Variants in GALNT15 observed in about 807,000 individuals in gnomAD.
GALNT15 encodes the protein UDP-GalNAc transferase T15.
In GALNT15, 67 loss-of-function variants were observed where a neutral mutation model predicts 66.8. That is an observed-to-expected ratio of 1.00 (90% confidence interval 0.82 to 1.23). The LOEUF (loss-of-function observed/expected upper bound fraction) is 1.23. GALNT15 is among the 50% of genes most tolerant of loss of function. The probability of loss-of-function intolerance (pLI) is 0.00; values close to 1 mark genes in which losing one functional copy is unlikely to be tolerated. For missense variants in GALNT15, 827 were observed against 804.3 expected, an observed-to-expected ratio of 1.03 and a Z score of -0.34; for synonymous variants, 313 against 311.5, an observed-to-expected ratio of 1.00 and a Z score of -0.05.
intron 1 of GALNT15, among the ~76,000 whole-genome samples, chr3:16,190,802 T>G (rs1215531868): frequency 3.3e-5 from 5 of 152,134 alleles, no homozygotes; most frequent in Non-Finnish European, 7.4e-5. Context: ...TCAGGCTGGG[T>G]CCGCTCAGCT....
rs1054769419 is a variant in GALNT15 at position 16,189,477 on chromosome 3, G to A, written c.540-6283G>A. On this transcript the variant is annotated intron_variant, in intron 1 of 9. Transcript: ENST00000339732. This position sits in a 1 kb window ranked among gnomAD's most constrained non-coding sequence, Gnocchi z 5.1. ...GCCCAGTTCCTCTGCTATGTTGAAG[G>A]ACATCCTCAGAGACATGTTCAGACA... Among the ~76,000 whole-genome samples the A allele has an allele frequency of 1.3e-5, 2 of 152,180 alleles. No individual in the cohort carries two copies. The highest frequency in any genetic ancestry group is 1.3e-4 in the Admixed American group (2 of 15,272).
chr3:16,178,664 A>G (rs1313086855), intron 1 of GALNT15, among the ~76,000 whole-genome samples: 2 of 152,146 alleles, frequency 1.3e-5, no homozygotes, highest in African/African-American at 4.8e-5. Flanking sequence ...AAGCAAGGCA[A>G]ACGATCTCCA....
chr3:16,228,316 A>C lies in GALNT15; in HGVS notation c.*816A>C. 2 of 985,782 alleles carry C rather than the reference A, an allele frequency of 2.0e-6. No homozygotes were observed. The highest frequency in any genetic ancestry group is 2.4e-6 in the Non-Finnish European group (2 of 829,944). 61.1% of individuals were successfully genotyped at this position (985,782 alleles called of 1,614,324 possible). A position where few individuals can be genotyped will look rare whatever the true frequency, so the allele number is the denominator to read the frequency against. On this transcript the variant is annotated 3_prime_UTR_variant, in exon 10 of 10. Transcript: ENST00000339732. ...GTGTTAGAAGTACCAGCACAATTTGAGCATTCCCATTAACAAAGGTGTTCA... is the reference window on the plus strand; with the variant it reads ...GTGTTAGAAGTACCAGCACAATTTGCGCATTCCCATTAACAAAGGTGTTCA...
In GALNT15 at chr3:16,219,271, G is replaced by A. The variant is rs1440878513; in HGVS notation, c.1393-132G>A. The A allele has an allele frequency of 8.9e-7, 1 of 1,120,170 alleles. No homozygotes were observed. Among genetic ancestry groups the A allele is most frequent in the Non-Finnish European group, 1.3e-6 (1 of 773,610 alleles). 69.4% of individuals were successfully genotyped at this position (1,120,170 alleles called of 1,614,324 possible). The stretch of plus-strand genomic sequence containing the variant: ...ACATGACCCTCCCCACTGCAGCCCT[G>A]GAGAACTGTGGTCTTGGCCCCTTCC... On this transcript the variant is annotated intron_variant, in intron 6 of 9. Transcript: ENST00000339732. This position sits in a 1 kb window ranked among gnomAD's most constrained non-coding sequence, Gnocchi z 4.3.
At chr3:16,213,764 C>A (rs1003109254) in intron 6 of GALNT15, among the ~76,000 whole-genome samples, 4 of 152,172 alleles carry the variant, frequency 2.6e-5, no homozygotes, top group Non-Finnish European at 5.9e-5. Context: ...ACAGATGAAG[C>A]CTAGGCCGCT....
At chr3:16,177,744 A>G (rs1574966395) in intron 1 of GALNT15, among the ~76,000 whole-genome samples, 1 of 152,204 alleles carries the variant, frequency 6.6e-6, no homozygotes, top group East Asian at 1.9e-4. Context: ...CACGTGGTGC[A>G]TGTGTGCACA....
chr3:16,228,910 T>C lies in GALNT15; in HGVS notation c.*1410T>C. The C allele has an allele frequency of 1.0e-6, 1 of 985,454 alleles. No individual in the cohort carries two copies. The highest frequency in any genetic ancestry group is 1.2e-6 in the Non-Finnish European group (1 of 829,944). 61.0% of individuals were successfully genotyped at this position (985,454 alleles called of 1,614,324 possible). A position where few individuals can be genotyped will look rare whatever the true frequency, so the allele number is the denominator to read the frequency against. ...ATGAGTGTGGGAAGAACACGGCTCA[T>C]CTGGAGCACAGCTGAGGCTAGTAAG... On this transcript the variant is annotated 3_prime_UTR_variant, in exon 10 of 10. Transcript: ENST00000339732.
At chr3:16,213,073 G>T (rs1258054466) in intron 6 of GALNT15, among the ~76,000 whole-genome samples, 1 of 152,102 alleles carries the variant, frequency 6.6e-6, no homozygotes, top group Non-Finnish European at 1.5e-5. Context: ...GATGAGATGG[G>T]TCTCCAAGGC....
intron 6 of GALNT15, among the ~76,000 whole-genome samples, chr3:16,214,465 C>T (rs1030663463): frequency 1.3e-5 from 2 of 152,206 alleles, no homozygotes; most frequent in Non-Finnish European, 2.9e-5. Context: ...TTAATAAATC[C>T]AAAGCACTTT....
chr3:16,239,398 A>T, the GALNT15 span, among the ~76,000 whole-genome samples: 1 of 152,130 alleles, frequency 6.6e-6, no homozygotes, highest in Non-Finnish European at 1.5e-5. This position sits in a 1 kb window ranked among gnomAD's most constrained non-coding sequence, Gnocchi z 5.2. Flanking sequence ...GATTGGGCTC[A>T]GCTTCTTTTT....
chr3:16,200,883 A>C lies in GALNT15; in HGVS notation c.911+60A>C. On this transcript the variant is annotated intron_variant, in intron 3 of 9. Coordinates refer to ENST00000339732, the MANE Select transcript of GALNT15 (RefSeq NM_054110.5). The surrounding 1 kb of genome is among the most constrained non-coding windows in gnomAD (Gnocchi z 4.4). Reference sequence around the variant, plus strand: ...GGAACTGGGAGAAACAGTCTACAGCATCAGCCACTCACAGAGCAACCCACC... The same window carrying C: ...GGAACTGGGAGAAACAGTCTACAGCCTCAGCCACTCACAGAGCAACCCACC... 7.4e-7 allele frequency: 1 copy of C among 1,350,374 alleles called. No individual in the cohort carries two copies. The highest frequency in any genetic ancestry group is 1.0e-6 in the Non-Finnish European group (1 of 987,836). 83.6% of individuals were successfully genotyped at this position (1,350,374 alleles called of 1,614,324 possible).
chr3:16,211,209 C>T lies in GALNT15; in HGVS notation c.1165C>T (p.Arg389Ter), dbSNP rs1398949162. ...AGCGTATGACTCTCTTATGTCGCTG[C>T]GAGGTGGTGAAAACCTCGAACTGTC... The part of the protein sequence containing the change: ...TGAYDSLMSL[R>*]GGENLELSFK... The change falls in exon 5 of 10, where the codon CGA (arginine) becomes TGA (stop). Residue 389 changes from arginine (R) to a stop codon, truncating the protein, a stop_gained. Coordinates refer to ENST00000339732, the MANE Select transcript of GALNT15 (RefSeq NM_054110.5). LOFTEE classifies it high-confidence loss of function. This position sits in a 1 kb window ranked among gnomAD's most constrained non-coding sequence, Gnocchi z 4.3. The T allele has an allele frequency of 1.4e-5, 22 of 1,613,424 alleles. No homozygotes were observed. The highest frequency in any genetic ancestry group is 2.7e-5 in the African/African-American group (2 of 74,898).
At position 16,229,234 on chromosome 3, in the gene GALNT15, C is replaced by T; in HGVS notation, c.*1734C>T. 2.0e-6 allele frequency: 2 copies of T among 985,352 alleles called. No homozygotes were observed. The highest frequency in any genetic ancestry group is 2.4e-6 in the Non-Finnish European group (2 of 829,860). The allele number at this position is 985,352 out of a possible 1,614,324, so 61.0% of individuals were successfully genotyped here. Reference sequence around the variant, plus strand: ...GTCTACCTGCTAAGTCAAGGGTTCACTGCATTTCTCCTTCCTCAGAATACA... The same window carrying T: ...GTCTACCTGCTAAGTCAAGGGTTCATTGCATTTCTCCTTCCTCAGAATACA... On this transcript the variant is annotated 3_prime_UTR_variant, in exon 10 of 10. Coordinates refer to ENST00000339732, the MANE Select transcript of GALNT15 (RefSeq NM_054110.5).
At chr3:16,220,099 C>T in intron 8 of GALNT15, 85 bp downstream of exon 8, 1 of 1,010,646 alleles carries the variant, frequency 9.9e-7, no homozygotes, top group Middle Eastern at 2.1e-4. Context: ...CCCATACTTC[C>T]CTTTGAGGTA....
At position 16,200,828 on chromosome 3, in the gene GALNT15, C is replaced by A; in HGVS notation, c.911+5C>A. On this transcript the variant is annotated splice_donor_5th_base_variant and intron_variant, in intron 3 of 9. Coordinates refer to ENST00000339732, the MANE Select transcript of GALNT15 (RefSeq NM_054110.5). This position sits in a 1 kb window ranked among gnomAD's most constrained non-coding sequence, Gnocchi z 4.4. ...CAGCAGAATAGCTGGTGACAGGTAA[C>A]TTATTCCCTGGGCTTGCAAAGCAAG... 1 of 1,595,834 alleles carries A rather than the reference C, an allele frequency of 6.3e-7. No homozygotes were observed. Among genetic ancestry groups the A allele is most frequent in the Non-Finnish European group, 8.5e-7 (1 of 1,171,742 alleles).
At chr3:16,210,217 G>A (rs188477455) in intron 4 of GALNT15, among the ~76,000 whole-genome samples, 10 of 152,320 alleles carry the variant, frequency 6.6e-5, no homozygotes, top group Admixed American at 3.9e-4. Context: ...TCCCCAATTA[G>A]AGGTGAGGAA....
downstream of GALNT15, chr3:16,231,730 G>A: frequency 7.6e-7 from 1 of 1,309,346 alleles, no homozygotes; most frequent in Non-Finnish European, 1.1e-6. The surrounding 1 kb of genome is among the most constrained non-coding windows in gnomAD (Gnocchi z 4.1). Context: ...CAGTACCTAT[G>A]ACAAATGCTA....
chr3:16,179,542 A>T (rs2063447462), intron 1 of GALNT15, among the ~76,000 whole-genome samples: 1 of 152,140 alleles, frequency 6.6e-6, no homozygotes, highest in South Asian at 2.1e-4. Context: ...GGGCAGGAGG[A>T]GCTGGGTGCA....
chr3:16,225,827 A>C lies in GALNT15; in HGVS notation c.1774-1527A>C, dbSNP rs990736510. Among the ~76,000 whole-genome samples the C allele has an allele frequency of 2.0e-5, 3 of 152,154 alleles. No individual in the cohort carries two copies. Among genetic ancestry groups the C allele is most frequent in the Admixed American group, 6.6e-5 (1 of 15,262 alleles). On this transcript the variant is annotated intron_variant, in intron 9 of 9. Transcript: ENST00000339732. The surrounding 1 kb of genome is among the most constrained non-coding windows in gnomAD (Gnocchi z 4.4). ...AGAGGTGGGTGGATCACTTGAGGTC[A>C]GGAGTTCGAGACCAGCCTGGCCAAT... is the stretch of plus-strand genomic sequence containing the variant.
Sources: allele counts gnomAD v4.1 joint callset (sites outside exome capture counted in the v4.1 genomes callset), GRCh38; gene constraint gnomAD v4.1.1; non-coding constraint Gnocchi (gnomAD v3.1); transcripts MANE v1.5; gene names NCBI Gene and HGNC (gene_info 2026-07-23, HGNC 2026-07-21).